PLEKHA3: variants seen among roughly 807,000 people sequenced by gnomAD.
PLEKHA3 encodes pleckstrin homology domain-containing family A member 3.
A neutral mutation model predicts 39.2 loss-of-function variants in PLEKHA3; 19 were observed. The observed-to-expected ratio is 0.48, with a 90% CI of 0.34 to 0.71. The LOEUF (loss-of-function observed/expected upper bound fraction) is 0.71, where lower values mean the gene tolerates loss of function less well. Ranked by LOEUF, PLEKHA3 falls within the 30% of genes least tolerant of loss-of-function variation. The pLI, the probability that PLEKHA3 is intolerant of heterozygous loss-of-function variation, is 0.01. For synonymous variants in PLEKHA3, 97 were observed against 118.6 expected (o/e 0.82, Z 1.18); for missense variants, 253 against 359.5 (o/e 0.70, Z 2.40).
chr2:178,492,185 T>C (rs1422061641), intron 3 of PLEKHA3, among the ~76,000 whole-genome samples: 1 of 152,072 alleles, frequency 6.6e-6, no homozygotes, highest in East Asian at 1.9e-4. Flanking sequence ...ATTACATTAG[T>C]GAAAGCAAGT....
chr2:178,501,137 A>G lies in PLEKHA3; in HGVS notation c.736A>G (p.Thr246Ala), dbSNP rs1685524022. The G allele has an allele frequency of 6.2e-7, 1 of 1,613,176 alleles. No individual in the cohort carries two copies. The highest frequency in any genetic ancestry group is 1.7e-5 in the Admixed American group (1 of 59,966). Reference sequence around the variant, plus strand: ...GCGACGCCGAAGAACCTACTCAGATACAGATTCTTGTAGTGATATTCCTCT... The same window carrying G: ...GCGACGCCGAAGAACCTACTCAGATGCAGATTCTTGTAGTGATATTCCTCT... ...SQRRRRTYSD[T>A]DSCSDIPLED... The change falls in exon 7 of 8, where the codon ACA (threonine) becomes GCA (alanine). Residue 246 changes from threonine to alanine, a missense_variant. Thr to Ala is a moderately conservative substitution (Grantham distance 58, BLOSUM62 0). Coordinates refer to ENST00000234453, the MANE Select transcript of PLEKHA3 (RefSeq NM_019091.4).
rs759789782 is a variant in PLEKHA3, at chr2:178,506,597, A to C, written c.*2710A>C. On this transcript the variant is annotated 3_prime_UTR_variant, in exon 8 of 8. Transcript: ENST00000234453. ...TATCACATTTAGAAATGTAAAAATC[A>C]CAAGATCTCAGGAAATGCGCCCTTG... The C allele has an allele frequency of 6.6e-6, 1 of 152,230 alleles. No individual in the cohort carries two copies. Among genetic ancestry groups the C allele is most frequent in the African/African-American group, 2.4e-5 (1 of 41,454 alleles). 9.4% of individuals were successfully genotyped at this position (152,230 alleles called of 1,614,324 possible).
At chr2:178,492,104 T>C (rs542182596) in intron 3 of PLEKHA3, among the ~76,000 whole-genome samples, 56 of 152,336 alleles carry the variant, frequency 3.7e-4, no homozygotes, top group Admixed American at 1.9e-3. Context: ...TGATTTTTCT[T>C]TTCTATATTT....
rs983824182 is a variant in PLEKHA3, at chr2:178,510,712, CTG to C, written c.*6828_*6829del. 4 of 153,734 alleles carry C rather than the reference CTG, an allele frequency of 2.6e-5. No homozygotes were observed. The highest frequency in any genetic ancestry group is 7.2e-5 in the African/African-American group (3 of 41,448). The allele number at this position is 153,734 out of a possible 1,614,324, so 9.5% of individuals were successfully genotyped here. ...ATCTTGGATTTCTCAGCCTCCAAAA[CTG>C]TGAAAAAATAAATTTTCATTCTTTA... On this transcript the variant is annotated 3_prime_UTR_variant, in exon 8 of 8. Coordinates refer to ENST00000234453, the MANE Select transcript of PLEKHA3 (RefSeq NM_019091.4).
chr2:178,506,611 AATGCGCCCTTGTGAT>A lies in PLEKHA3; in HGVS notation c.*2728_*2742del, dbSNP rs1685603333. The A allele has an allele frequency of 1.3e-5, 2 of 152,206 alleles. No homozygotes were observed. Among genetic ancestry groups the A allele is most frequent in the Non-Finnish European group, 2.9e-5 (2 of 68,032 alleles). The allele number at this position is 152,206 out of a possible 1,614,324, so 9.4% of individuals were successfully genotyped here. Reference sequence around the variant, plus strand: ...ATGTAAAAATCACAAGATCTCAGGAAATGCGCCCTTGTGATATGTTAATACCAGATTGCTGTTTAC... The same window carrying A: ...ATGTAAAAATCACAAGATCTCAGGAAATGTTAATACCAGATTGCTGTTTAC... On this transcript the variant is annotated 3_prime_UTR_variant, in exon 8 of 8. Coordinates refer to ENST00000234453, the MANE Select transcript of PLEKHA3 (RefSeq NM_019091.4).
In PLEKHA3 at chr2:178,504,085, C is replaced by A; in HGVS notation, c.*198C>A. 1 of 461,444 alleles carries A rather than the reference C, an allele frequency of 2.2e-6. No homozygotes were observed. Among genetic ancestry groups the A allele is most frequent in the Non-Finnish European group, 3.8e-6 (1 of 266,040 alleles). 28.6% of individuals were successfully genotyped at this position (461,444 alleles called of 1,614,324 possible). A position where few individuals can be genotyped will look rare whatever the true frequency, so the allele number is the denominator to read the frequency against. On this transcript the variant is annotated 3_prime_UTR_variant, in exon 8 of 8. Coordinates refer to ENST00000234453, the MANE Select transcript of PLEKHA3 (RefSeq NM_019091.4). Reference sequence around the variant, plus strand: ...ATAGTTTGTTTGCAAGAGTATTTTCCTAATAACTTCACAGTATGAATGTGC... The same window carrying A: ...ATAGTTTGTTTGCAAGAGTATTTTCATAATAACTTCACAGTATGAATGTGC...
At chr2:178,486,508 C>G (rs776848852) in intron 2 of PLEKHA3, among the ~76,000 whole-genome samples, 1 of 152,128 alleles carries the variant, frequency 6.6e-6, no homozygotes. Flanking sequence ...TTTCCTTTGA[C>G]GTGGTGAGCT....
At chr2:178,495,751 C>A in intron 5 of PLEKHA3, 91 bp downstream of exon 5, 1 of 1,389,936 alleles carries the variant, frequency 7.2e-7, no homozygotes, top group Non-Finnish European at 9.8e-7. Context: ...AGGGTGGAAG[C>A]AGGCAGTTGG....
chr2:178,501,726 CTTCAG>C (rs1685531867), intron 7 of PLEKHA3, among the ~76,000 whole-genome samples: 1 of 151,914 alleles, frequency 6.6e-6, no homozygotes, highest in South Asian at 2.1e-4. Context: ...AAATTTTTCT[CTTCAG>C]AGAAGAAGCT....
At position 178,507,521 on chromosome 2, in the gene PLEKHA3, A is replaced by G. The variant is rs1050476678; in HGVS notation, c.*3634A>G. The G allele has an allele frequency of 1.3e-5, 2 of 152,150 alleles. No homozygotes were observed. Among genetic ancestry groups the G allele is most frequent in the Non-Finnish European group, 2.9e-5 (2 of 68,016 alleles). 9.4% of individuals were successfully genotyped at this position (152,150 alleles called of 1,614,324 possible). A position where few individuals can be genotyped will look rare whatever the true frequency, so the allele number is the denominator to read the frequency against. ...TATCAATTCTCTTAAAAAAGTTTTTAAAAATATTTTGTCATCCTTTAGGGA... is the reference window on the plus strand; with the variant it reads ...TATCAATTCTCTTAAAAAAGTTTTTGAAAATATTTTGTCATCCTTTAGGGA... On this transcript the variant is annotated 3_prime_UTR_variant, in exon 8 of 8. Coordinates refer to ENST00000234453, the MANE Select transcript of PLEKHA3 (RefSeq NM_019091.4).
At chr2:178,494,212 T>C (rs56165369) in intron 4 of PLEKHA3, among the ~76,000 whole-genome samples, 3,148 of 152,310 alleles carry the variant, frequency 0.021, 55 homozygotes, top group East Asian at 0.04. Context: ...GGTCAAGGCT[T>C]GTCTTTGCAG....
chr2:178,494,400 C>T (rs1369560826), intron 4 of PLEKHA3, among the ~76,000 whole-genome samples: 2 of 152,158 alleles, frequency 1.3e-5, no homozygotes, highest in South Asian at 4.1e-4. Context: ...AAATCCTTCT[C>T]AGAACAGTGA....
intron 2 of PLEKHA3, among the ~76,000 whole-genome samples, chr2:178,488,171 T>G (rs768802927): frequency 2.0e-5 from 3 of 152,234 alleles, no homozygotes; most frequent in Non-Finnish European, 4.4e-5. Context: ...TTTCAAGTCT[T>G]TGGCCCATTT....
At chr2:178,485,228 G>A (rs527820644) in intron 1 of PLEKHA3, among the ~76,000 whole-genome samples, 11 of 152,322 alleles carry the variant, frequency 7.2e-5, no homozygotes, top group African/African-American at 2.6e-4. Flanking sequence ...ATCCATTAAA[G>A]AATGATACTA....
chr2:178,483,973 A>G (rs1460478162), intron 1 of PLEKHA3, among the ~76,000 whole-genome samples: 2 of 152,140 alleles, frequency 1.3e-5, no homozygotes, highest in Admixed American at 1.3e-4. Context: ...ACTACTTGGG[A>G]GGCTGAGGTG....
At position 178,505,401 on chromosome 2, in the gene PLEKHA3, G is replaced by A. The variant is rs1685588028; in HGVS notation, c.*1514G>A. On this transcript the variant is annotated 3_prime_UTR_variant, in exon 8 of 8. Coordinates refer to ENST00000234453, the MANE Select transcript of PLEKHA3 (RefSeq NM_019091.4). ...GGGTAAACTGTATGCTACTTGAAGTGTTTGTAATTTTAAATAACACACAGG... is the reference window on the plus strand; with the variant it reads ...GGGTAAACTGTATGCTACTTGAAGTATTTGTAATTTTAAATAACACACAGG... 6.6e-6 allele frequency: 1 copy of A among 151,756 alleles called. No homozygotes were observed. Among genetic ancestry groups the A allele is most frequent in the African/African-American group, 2.4e-5 (1 of 41,372 alleles). 9.4% of individuals were successfully genotyped at this position (151,756 alleles called of 1,614,324 possible).
intron 5 of PLEKHA3, among the ~76,000 whole-genome samples, chr2:178,497,552 C>T (rs1291960520): frequency 1.3e-5 from 2 of 152,026 alleles, no homozygotes; most frequent in East Asian, 1.9e-4. Context: ...TTTTTAATAC[C>T]ATCTTACAGG....
chr2:178,482,300 G>A (rs1244629519), intron 1 of PLEKHA3, among the ~76,000 whole-genome samples: 2 of 152,078 alleles, frequency 1.3e-5, no homozygotes, highest in Non-Finnish European at 2.9e-5. Context: ...ACTTTGGGAG[G>A]CGGAGGTGGG....
intron 5 of PLEKHA3, 99 bp downstream of exon 5, chr2:178,495,759 TGGG>T: frequency 1.5e-6 from 2 of 1,315,512 alleles, no homozygotes; most frequent in East Asian, 2.3e-5. Context: ...AGCAGGCAGT[TGGG>T]GGGCGGGGAA....
Sources: allele counts gnomAD v4.1 joint callset (sites outside exome capture counted in the v4.1 genomes callset), GRCh38; gene constraint gnomAD v4.1.1; transcripts MANE v1.5; gene names NCBI Gene and HGNC (gene_info 2026-07-23, HGNC 2026-07-21).